The following XPNPEP3 variants were observed in gnomAD, a reference collection of about 807,000 sequenced individuals.
XPNPEP3 encodes xaa-Pro aminopeptidase 3.
XPNPEP3 carries 41 observed loss-of-function variants against 60.0 expected under a neutral mutation model. That is an observed-to-expected ratio of 0.68 (90% CI 0.53 to 0.89). XPNPEP3 has a LOEUF of 0.89. XPNPEP3 is among the 40% of genes least tolerant of loss of function. XPNPEP3 has a pLI of 0.00. For missense variants in XPNPEP3, 598 were observed against 638.9 expected (o/e 0.94, Z 0.69); for synonymous variants, 212 against 223.2 (o/e 0.95, Z 0.45).
chr22:40,891,429 C>T (rs892927548), intron 4 of XPNPEP3, among the ~76,000 whole-genome samples: 3 of 151,300 alleles, frequency 2.0e-5, no homozygotes, highest in African/African-American at 2.4e-5. Flanking sequence ...CCGAGGCGGG[C>T]GGATCACAAG....
At chr22:40,906,888 A>G (rs1030062420) in intron 4 of XPNPEP3, among the ~76,000 whole-genome samples, 6 of 152,176 alleles carry the variant, frequency 3.9e-5, no homozygotes, top group African/African-American at 7.2e-5. Context: ...GAAATTCCTG[A>G]TAGGGGGCAC....
intron 1 of XPNPEP3, among the ~76,000 whole-genome samples, chr22:40,866,564 G>C (rs564856603): frequency 6.6e-6 from 1 of 152,246 alleles, no homozygotes; most frequent in Admixed American, 6.5e-5. Context: ...AAGTAGCTTA[G>C]TGTGGCTGCA....
intron 2 of XPNPEP3, among the ~76,000 whole-genome samples, chr22:40,875,704 A>C (rs2145780059): frequency 6.6e-6 from 1 of 152,212 alleles, no homozygotes; most frequent in Middle Eastern, 3.4e-3. Flanking sequence ...TGTAGTATAA[A>C]TACTAGAAAA....
At chr22:40,867,233 G>C (rs2145773328) in intron 1 of XPNPEP3, among the ~76,000 whole-genome samples, 1 of 152,254 alleles carries the variant, frequency 6.6e-6, no homozygotes, top group African/African-American at 2.4e-5. Context: ...ATCTGGACAA[G>C]GTTACACACT....
intron 2 of XPNPEP3, among the ~76,000 whole-genome samples, chr22:40,875,850 TA>T (rs768463487): frequency 0.071 from 8,523 of 119,476 alleles, 782 homozygotes; most frequent in African/African-American, 0.23. Context: ...CCACCTCTAC[TA>T]AAAAAAAAAA....
chr22:40,922,490 AT>A lies in XPNPEP3; in HGVS notation c.1215del (p.Lys406ArgfsTer42). The A allele has an allele frequency of 6.2e-7, 1 of 1,614,084 alleles. No individual in the cohort carries two copies. The highest frequency in any genetic ancestry group is 1.1e-5 in the South Asian group (1 of 91,082). Reference sequence around the variant, plus strand: ...TAAAGACTTGGGGATCATGAAGAACATTAAGGAAAATAATGCCTTCAAGGTA... The same window carrying A: ...TAAAGACTTGGGGATCATGAAGAACATAAGGAAAATAATGCCTTCAAGGTA... ...KLKDLGIMKN[I>X]KENNAFKAAR... On this transcript the variant is annotated frameshift_variant, in exon 8 of 10. Coordinates refer to ENST00000357137, the MANE Select transcript of XPNPEP3 (RefSeq NM_022098.4). LOFTEE classifies it high-confidence loss of function.
intron 1 of XPNPEP3, chr22:40,861,265 ATGAC>A: frequency 6.2e-7 from 1 of 1,614,190 alleles, no homozygotes; most frequent in Non-Finnish European, 8.5e-7. Flanking sequence ...TAGTTGTTGA[ATGAC>A]TGTGTTCTCC....
At chr22:40,904,327 T>G (rs1474586781) in intron 4 of XPNPEP3, among the ~76,000 whole-genome samples, 3 of 152,208 alleles carry the variant, frequency 2.0e-5, no homozygotes, top group Non-Finnish European at 4.4e-5. Context: ...TTTGATCACC[T>G]AGGAAGGAGG....
chr22:40,880,027 C>CAAAA (rs1250265435), intron 2 of XPNPEP3, among the ~76,000 whole-genome samples: 1 of 122,170 alleles, frequency 8.2e-6, no homozygotes, highest in African/African-American at 3.5e-5. Flanking sequence ...ACTCTGTCTC[C>CAAAA]CAAAAAAAAA....
Position 40,926,516 on chromosome 22 carries a change from CTG to C in XPNPEP3, c.*88_*89del. The C allele has an allele frequency of 7.3e-6, 11 of 1,502,578 alleles. No individual in the cohort carries two copies. The highest frequency in any genetic ancestry group is 9.3e-6 in the Non-Finnish European group (10 of 1,080,928). The allele number at this position is 1,502,578 out of a possible 1,614,324, so 93.1% of individuals were successfully genotyped here. ...CTGCACGTGTGCTTTCTGAGTGTCT[CTG>C]TGTGTGCATTAATATATGCATTCCA... On this transcript the variant is annotated 3_prime_UTR_variant, in exon 10 of 10. Transcript: ENST00000357137.
At chr22:40,880,831 A>T (rs984031407) in intron 2 of XPNPEP3, among the ~76,000 whole-genome samples, 20 of 151,620 alleles carry the variant, frequency 1.3e-4, no homozygotes, top group Non-Finnish European at 2.2e-4. Context: ...CAAAGGCCCT[A>T]TATTGTATAG....
intron 3 of XPNPEP3, among the ~76,000 whole-genome samples, chr22:40,885,420 G>T (rs919958222): frequency 1.3e-5 from 2 of 152,202 alleles, no homozygotes; most frequent in Non-Finnish European, 2.9e-5. Flanking sequence ...AAAGTTGAAA[G>T]CTGAACTGTG....
At chr22:40,863,257 G>T (rs918887895) in intron 1 of XPNPEP3, among the ~76,000 whole-genome samples, 7 of 152,182 alleles carry the variant, frequency 4.6e-5, no homozygotes, top group Non-Finnish European at 2.9e-5. Context: ...AGTAGAATTC[G>T]AGAGCCAAAT....
At position 40,923,158 on chromosome 22, in the gene XPNPEP3, A is replaced by T. The variant is rs1028493711; in HGVS notation, c.1236+645A>T. 4.0e-5 allele frequency among the ~76,000 whole-genome samples: 6 copies of T among 151,508 alleles called. No homozygotes were observed. In the East Asian group the frequency reaches 1.2e-3, roughly 29 times the overall value. On this transcript the variant is annotated intron_variant, in intron 8 of 9. Coordinates refer to ENST00000357137, the MANE Select transcript of XPNPEP3 (RefSeq NM_022098.4). ...ACCCCAGAAGTTCAACGCTGCAGTG[A>T]GCTATGTTCGCACCACTGCACTCCA... is the stretch of plus-strand genomic sequence containing the variant.
intron 9 of XPNPEP3, 131 bp downstream of exon 9, chr22:40,924,613 C>A: frequency 7.4e-7 from 1 of 1,345,228 alleles, no homozygotes; most frequent in Non-Finnish European, 1.0e-6. Flanking sequence ...AACCTCCGCC[C>A]CCCAGGTTCA....
In XPNPEP3 at chr22:40,922,340, G is replaced by T; in HGVS notation, c.1063G>T (p.Ala355Ser). The change falls in exon 8 of 10, where the codon GCA becomes TCA. Residue 355 changes from alanine to serine, a missense_variant. Physicochemically the swap from Ala to Ser is moderately conservative, Grantham distance 99. Transcript: ENST00000357137. ...RTWPVNGRFT[A>S]PQAELYEAVL... ...TGGTTTTCCCGTCCCCAGGTTCACC[G>T]CACCTCAGGCAGAACTCTATGAAGC... 1 of 1,613,714 alleles carries T rather than the reference G, an allele frequency of 6.2e-7. No homozygotes were observed. The highest frequency in any genetic ancestry group is 1.3e-5 in the African/African-American group (1 of 74,952).
At position 40,869,043 on chromosome 22, in the gene XPNPEP3, C is replaced by A. The variant is rs1292822959; in HGVS notation, c.109C>A (p.Pro37Thr). The change falls in exon 2 of 10, where the codon CCA becomes ACA. Residue 37 changes from proline to threonine, a missense_variant. By Grantham distance (38) the Pro-to-Thr change is conservative. Coordinates refer to ENST00000357137, the MANE Select transcript of XPNPEP3 (RefSeq NM_022098.4). ...GCGAAGGTACTCCCTTCAGCCTGTC[C>A]CAGAAAGGAGGATTCCAAACCGATA... is the stretch of plus-strand genomic sequence containing the variant. ...SQRRYSLQPV[P>T]ERRIPNRYLG... is the part of the protein sequence containing the mutation. The A allele has an allele frequency of 6.2e-7, 1 of 1,614,032 alleles. No homozygotes were observed. Among genetic ancestry groups the A allele is most frequent in the Non-Finnish European group, 8.5e-7 (1 of 1,179,966 alleles).
chr22:40,912,028 AG>A (rs919476594), intron 6 of XPNPEP3, among the ~76,000 whole-genome samples: 2 of 152,254 alleles, frequency 1.3e-5, no homozygotes, highest in Non-Finnish European at 2.9e-5. Context: ...ACTAGACAAA[AG>A]AATTTAGAAA....
At position 40,932,451 on chromosome 22, in the gene XPNPEP3, T is replaced by C. The variant is rs572902747; in HGVS notation, c.*6016T>C. On this transcript the variant is annotated 3_prime_UTR_variant, in exon 10 of 10. Coordinates refer to ENST00000357137, the MANE Select transcript of XPNPEP3 (RefSeq NM_022098.4). ...TTTATGCTCCTAATGAAAAGATGAA[T>C]GAATGCATCATTAAACCTTAACAGT... The C allele has an allele frequency of 6.6e-6, 1 of 152,202 alleles. No homozygotes were observed. Among genetic ancestry groups the C allele is most frequent in the South Asian group, 2.1e-4 (1 of 4,822 alleles). The allele number at this position is 152,202 out of a possible 1,614,324, so 9.4% of individuals were successfully genotyped here.
Sources: gnomAD v4.1 joint callset for allele counts (sites outside exome capture counted in the v4.1 genomes callset) on GRCh38, gnomAD v4.1.1 for gene constraint, MANE v1.5 for transcripts, NCBI Gene and HGNC (gene_info 2026-07-23, HGNC 2026-07-21) for gene names.